The following NKAIN3 variants were observed in gnomAD, a reference collection of about 807,000 sequenced individuals.
NKAIN3 encodes sodium/potassium transporting ATPase interacting 3.
In NKAIN3, 25 loss-of-function variants were observed where a neutral mutation model predicts 30.2. That is an observed-to-expected ratio of 0.83 (90% CI 0.60 to 1.16). The LOEUF (loss-of-function observed/expected upper bound fraction) is 1.16, where lower values mean the gene tolerates loss of function less well. Ranked by LOEUF, NKAIN3 falls within the 50% of genes most tolerant of loss-of-function variation. NKAIN3 has a pLI of 0.00. For synonymous variants in NKAIN3, 91 were observed against 89.6 expected, an observed-to-expected ratio of 1.02 and a Z score of -0.09; for missense variants, 225 against 254.1, an observed-to-expected ratio of 0.89 and a Z score of 0.78.
chr8:62,415,347 A>G (rs1376224565), intron 1 of NKAIN3, among the ~76,000 whole-genome samples: 2 of 147,994 alleles, frequency 1.4e-5, no homozygotes, highest in African/African-American at 4.9e-5. Flanking sequence ...TAAATAGATG[A>G]TGATGATGAT....
At chr8:62,623,468 A>G (rs1384612997) in intron 3 of NKAIN3, among the ~76,000 whole-genome samples, 1 of 152,120 alleles carries the variant, frequency 6.6e-6, no homozygotes, top group African/African-American at 2.4e-5. Flanking sequence ...ATACATAAGT[A>G]TATGCTTGTG....
rs1233039550 is a variant in NKAIN3 at position 62,847,405 on chromosome 8, C to T, written c.472-71048C>T. 4.6e-5 allele frequency among the ~76,000 whole-genome samples: 7 copies of T among 151,958 alleles called. No homozygotes were observed. The East Asian group carries it at 7.7e-4, about 17-fold the overall frequency. ...ACTGACATTAGATGGTATTTCATTG[C>T]GGTTTTGATTTGCATTTCTCTAATC... is the stretch of plus-strand genomic sequence containing the variant. On this transcript the variant is annotated intron_variant, in intron 4 of 6. Transcript: ENST00000623646.
chr8:62,785,011 G>A (rs1412407870), intron 4 of NKAIN3, among the ~76,000 whole-genome samples: 2 of 152,114 alleles, frequency 1.3e-5, no homozygotes, highest in African/African-American at 4.8e-5. Flanking sequence ...CTGCTGGTTC[G>A]AAATGTAGGA....
intron 1 of NKAIN3, among the ~76,000 whole-genome samples, chr8:62,338,394 C>T (rs1815634830): frequency 6.6e-6 from 1 of 151,848 alleles, no homozygotes; most frequent in African/African-American, 2.4e-5. Context: ...CAACAGTGAA[C>T]AGGACAACAC....
intron 4 of NKAIN3, among the ~76,000 whole-genome samples, chr8:62,885,126 T>C (rs1821106841): frequency 6.6e-6 from 1 of 152,228 alleles, no homozygotes; most frequent in South Asian, 2.1e-4. Context: ...TTCAATGCTA[T>C]ACAGTTCTCT....
At chr8:62,578,669 T>G (rs1353081965) in intron 1 of NKAIN3, among the ~76,000 whole-genome samples, 1 of 152,098 alleles carries the variant, frequency 6.6e-6, no homozygotes, top group Non-Finnish European at 1.5e-5. Flanking sequence ...TTTTGTTTTT[T>G]TTCCAAAATG....
intron 3 of NKAIN3, among the ~76,000 whole-genome samples, chr8:62,671,313 A>G (rs28663458): frequency 0.12 from 18,870 of 152,144 alleles, 1,276 homozygotes; most frequent in East Asian, 0.27. Flanking sequence ...TCCTTCAGGC[A>G]TTCTTGACAA....
chr8:62,326,109 A>T (rs990112741), intron 1 of NKAIN3, among the ~76,000 whole-genome samples: 6 of 152,058 alleles, frequency 3.9e-5, no homozygotes, highest in African/African-American at 1.4e-4. Flanking sequence ...AAATAAAGAT[A>T]AAAATGTATT....
At chr8:62,627,369 C>G (rs1811824536) in intron 3 of NKAIN3, among the ~76,000 whole-genome samples, 2 of 152,068 alleles carry the variant, frequency 1.3e-5, no homozygotes, top group Non-Finnish European at 2.9e-5. Context: ...TTATTTACAG[C>G]CTGTTATAAA....
chr8:62,568,205 A>G lies in NKAIN3; in HGVS notation c.55-11334A>G, dbSNP rs76298917. Among the ~76,000 whole-genome samples, 5 of 152,210 alleles carry G rather than the reference A, an allele frequency of 3.3e-5. No homozygotes were observed. The East Asian group carries it at 9.6e-4, about 29-fold the overall frequency. On this transcript the variant is annotated intron_variant, in intron 1 of 6. Coordinates refer to ENST00000623646, the MANE Select transcript of NKAIN3 (RefSeq NM_001304533.3). ...AAAGCTTATTTCTGAATTTAAACTC[A>G]TTAAACAGTATGCATTTTGACTGCA...
chr8:62,601,422 A>G (rs1810981997), intron 3 of NKAIN3, among the ~76,000 whole-genome samples: 1 of 152,024 alleles, frequency 6.6e-6, no homozygotes, highest in African/African-American at 2.4e-5. Flanking sequence ...AACTATGCCC[A>G]CTTCTGGAAC....
At chr8:62,290,630 G>A (rs1055808543) in intron 1 of NKAIN3, among the ~76,000 whole-genome samples, 1 of 152,160 alleles carries the variant, frequency 6.6e-6, no homozygotes, top group African/African-American at 2.4e-5. Context: ...TGTGCTGCTG[G>A]ATTCAGTTTG....
chr8:62,267,097 A>G (rs1366516474), intron 1 of NKAIN3, among the ~76,000 whole-genome samples: 1 of 152,202 alleles, frequency 6.6e-6, no homozygotes, highest in Non-Finnish European at 1.5e-5. Flanking sequence ...CACATCCATC[A>G]TTGCTGTAGT....
At chr8:62,448,177 G>GA (rs1005605305) in intron 1 of NKAIN3, among the ~76,000 whole-genome samples, 3 of 151,166 alleles carry the variant, frequency 2.0e-5, no homozygotes, top group African/African-American at 7.3e-5. Flanking sequence ...GAGTTTTTTT[G>GA]AAAAAATAGA....
intron 4 of NKAIN3, among the ~76,000 whole-genome samples, chr8:62,914,350 G>C (rs1822016159): frequency 6.6e-6 from 1 of 152,126 alleles, no homozygotes; most frequent in East Asian, 1.9e-4. Flanking sequence ...CTTGAGGGTA[G>C]AGGATGGGAG....
At chr8:62,595,386 T>TTC (rs1308802902) in intron 3 of NKAIN3, among the ~76,000 whole-genome samples, 1 of 117,550 alleles carries the variant, frequency 8.5e-6, no homozygotes, top group Non-Finnish European at 2.0e-5. Flanking sequence ...TATTTTCTTT[T>TTC]TTTTTTTTTT....
chr8:62,796,015 A>T (rs984521855), intron 4 of NKAIN3, among the ~76,000 whole-genome samples: 2 of 152,078 alleles, frequency 1.3e-5, no homozygotes, highest in Non-Finnish European at 2.9e-5. Context: ...TGGCCAAAAA[A>T]ATGACTGTCT....
At chr8:62,625,339 C>T (rs1283437250) in intron 3 of NKAIN3, among the ~76,000 whole-genome samples, 1 of 152,076 alleles carries the variant, frequency 6.6e-6, no homozygotes, top group Non-Finnish European at 1.5e-5. Context: ...GCACCATTAT[C>T]TACATGTAAC....
At chr8:62,328,492 A>G (rs2129589861) in intron 1 of NKAIN3, among the ~76,000 whole-genome samples, 1 of 152,182 alleles carries the variant, frequency 6.6e-6, no homozygotes, top group Non-Finnish European at 1.5e-5. Flanking sequence ...CTAGTTGTAA[A>G]GAGATGATGT....
Sources: gnomAD v4.1 joint callset for allele counts (sites outside exome capture counted in the v4.1 genomes callset) on GRCh38, gnomAD v4.1.1 for gene constraint, MANE v1.5 for transcripts, NCBI Gene and HGNC (gene_info 2026-07-23, HGNC 2026-07-21) for gene names.